GRIP1: variants seen among roughly 807,000 people sequenced by gnomAD.
GRIP1 encodes the protein glutamate receptor-interacting protein 1.
In GRIP1, 45 loss-of-function variants were observed where a neutral mutation model predicts 129.9. The ratio of observed to expected loss-of-function variants is 0.35; its 90% CI spans 0.27 to 0.44. The LOEUF is 0.44. Among genes scored for constraint, GRIP1 ranks in the 20% least tolerant of loss-of-function variants. The pLI is 1.00. For synonymous variants in GRIP1, 530 were observed against 520.8 expected (o/e 1.02, Z -0.24); for missense variants, 1,196 against 1,396.8 (o/e 0.86, Z 2.29).
At chr12:66,411,718 T>A (rs2057409887) in intron 15 of GRIP1, among the ~76,000 whole-genome samples, 1 of 152,180 alleles carries the variant, frequency 6.6e-6, no homozygotes, top group African/African-American at 2.4e-5. Flanking sequence ...CCAATTCAAA[T>A]AAGCTAAGAA....
intron 5 of GRIP1, among the ~76,000 whole-genome samples, chr12:66,523,327 T>A: frequency 6.8e-6 from 1 of 147,564 alleles, no homozygotes; most frequent in East Asian, 1.9e-4. Flanking sequence ...TAACAGCTGA[T>A]CTCTTGGCAG....
intron 14 of GRIP1, among the ~76,000 whole-genome samples, chr12:66,423,226 G>A (rs2057870371): frequency 1.3e-5 from 2 of 152,208 alleles, no homozygotes; most frequent in Non-Finnish European, 2.9e-5. Context: ...GTACTCAGGT[G>A]CCTTAGTTTC....
chr12:66,593,170 G>C (rs1213317900), intron 2 of GRIP1, among the ~76,000 whole-genome samples: 1 of 152,146 alleles, frequency 6.6e-6, no homozygotes, highest in African/African-American at 2.4e-5. Context: ...AAAATGACAA[G>C]TTCCCAAATA....
At chr12:66,418,693 T>C (rs1215924372) in intron 15 of GRIP1, among the ~76,000 whole-genome samples, 1 of 152,146 alleles carries the variant, frequency 6.6e-6, no homozygotes, top group African/African-American at 2.4e-5. Context: ...TAAGAAAAGA[T>C]GCTCAACATC....
At chr12:66,622,994 C>T (rs2139983512) in intron 1 of GRIP1, among the ~76,000 whole-genome samples, 1 of 152,236 alleles carries the variant, frequency 6.6e-6, no homozygotes, top group Non-Finnish European at 1.5e-5. Flanking sequence ...ATTATGAATT[C>T]CATGAGGACA....
In GRIP1 at chr12:66,824,948, C is replaced by CT. The variant is rs558824325; in HGVS notation, c.59-228022dup. ...CCATTTTGGTAAAAGTTTCCAAGAGCTTTTTTTTCCCCAAAGCCCTCTCTT... is the reference window on the plus strand; with the variant it reads ...CCATTTTGGTAAAAGTTTCCAAGAGCTTTTTTTTTCCCCAAAGCCCTCTCTT... On this transcript the variant is annotated intron_variant, in intron 1 of 1. Coordinates refer to the GRIP1 transcript ENST00000643019. 2.4e-3 allele frequency among the ~76,000 whole-genome samples: 371 copies of CT among 152,006 alleles called. 4 individuals are homozygous for CT. Among genetic ancestry groups the CT allele is most frequent in the Non-Finnish European group, 4.2e-3 (288 of 67,948 alleles).
chr12:67,043,206 G>A (rs1157283528), intron 1 of GRIP1, among the ~76,000 whole-genome samples: 8 of 152,072 alleles, frequency 5.3e-5, no homozygotes, highest in Admixed American at 5.2e-4. Flanking sequence ...TCTTCCTTTG[G>A]TTTTCATCCT....
intron 1 of GRIP1, among the ~76,000 whole-genome samples, chr12:66,874,412 T>C (rs979791626): frequency 3.3e-5 from 5 of 152,074 alleles, no homozygotes; most frequent in African/African-American, 1.2e-4. Flanking sequence ...TTTTTTTAAC[T>C]TCTGAAGACT....
chr12:66,862,441 T>C (rs1397224284), intron 1 of GRIP1, among the ~76,000 whole-genome samples: 1 of 152,100 alleles, frequency 6.6e-6, no homozygotes, highest in Non-Finnish European at 1.5e-5. Context: ...AACAGCTTTC[T>C]GGGGCACATT....
intron 14 of GRIP1, 87 bp downstream of exon 14, chr12:66,432,461 A>T (rs866583673): frequency 2.5e-6 from 2 of 801,386 alleles, no homozygotes; most frequent in Middle Eastern, 2.4e-4. Flanking sequence ...AAAGACATAT[A>T]AAACATTTGT....
chr12:66,876,241 TC>T (rs1489969285), intron 1 of GRIP1, among the ~76,000 whole-genome samples: 4 of 152,084 alleles, frequency 2.6e-5, no homozygotes, highest in Admixed American at 2.6e-4. Context: ...GAATTTTATC[TC>T]CAGTATAATT....
At chr12:67,052,284 G>A (rs2043358956) in intron 1 of GRIP1, among the ~76,000 whole-genome samples, 1 of 152,112 alleles carries the variant, frequency 6.6e-6, no homozygotes, top group South Asian at 2.1e-4. Flanking sequence ...CAAACATCCT[G>A]GAACTCACCT....
In GRIP1 at chr12:66,583,942, T is replaced by C. The variant is rs2063507876; in HGVS notation, c.136+12905A>G. On this transcript the variant is annotated intron_variant, in intron 2 of 24. Coordinates refer to ENST00000359742, the MANE Select transcript of GRIP1 (RefSeq NM_001366722.1). Reference sequence around the variant, plus strand: ...CAAAGGACTATAAATCATGCTGCTATAAAGACACATGCACACGTATGTTTA... The same window carrying C: ...CAAAGGACTATAAATCATGCTGCTACAAAGACACATGCACACGTATGTTTA... Among the ~76,000 whole-genome samples, 3 of 138,684 alleles carry C rather than the reference T, an allele frequency of 2.2e-5. 1 individual carries two copies. The highest frequency in any genetic ancestry group is 7.4e-5 in the Admixed American group (1 of 13,442). The allele number at this position is 138,684 out of a possible 152,430, so 91.0% of individuals were successfully genotyped here. A position where few individuals can be genotyped will look rare whatever the true frequency, so the allele number is the denominator to read the frequency against.
intron 1 of GRIP1, among the ~76,000 whole-genome samples, chr12:66,787,526 A>G (rs542774448): frequency 2.5e-4 from 38 of 152,234 alleles, no homozygotes; most frequent in African/African-American, 6.7e-4. Flanking sequence ...TGATGATGGT[A>G]TTAAGAAGTG....
At chr12:67,044,468 A>C (rs1302969207) in intron 1 of GRIP1, among the ~76,000 whole-genome samples, 1 of 152,186 alleles carries the variant, frequency 6.6e-6, no homozygotes, top group Non-Finnish European at 1.5e-5. Flanking sequence ...AAAAGTGCTA[A>C]AAAAATTTTC....
intron 1 of GRIP1, among the ~76,000 whole-genome samples, chr12:66,837,034 C>G (rs565609533): frequency 6.6e-6 from 1 of 152,252 alleles, no homozygotes; most frequent in South Asian, 2.1e-4. Flanking sequence ...TGTCAAACAA[C>G]CTAGTCTGAA....
chr12:67,055,036 T>C (rs964710951), intron 1 of GRIP1, among the ~76,000 whole-genome samples: 3 of 152,130 alleles, frequency 2.0e-5, no homozygotes. Flanking sequence ...GGAAATAGAA[T>C]AGGGCACAAA....
chr12:66,368,359 C>T lies in GRIP1; in HGVS notation c.3012+3335G>A, dbSNP rs1194600926. On this transcript the variant is annotated intron_variant, in intron 23 of 24. Coordinates refer to ENST00000359742, the MANE Select transcript of GRIP1 (RefSeq NM_001366722.1). ...TAACAGGTGCTGGTCTAGATATGAACAGGCGCACCACTTGTTCTCCTGCAT... is the reference window on the plus strand; with the variant it reads ...TAACAGGTGCTGGTCTAGATATGAATAGGCGCACCACTTGTTCTCCTGCAT... Among the ~76,000 whole-genome samples, 4 of 152,274 alleles carry T rather than the reference C, an allele frequency of 2.6e-5. No individual in the cohort carries two copies. The East Asian group carries it at 7.7e-4, about 29-fold the overall frequency.
chr12:66,900,886 G>A (rs1269470009), intron 1 of GRIP1, among the ~76,000 whole-genome samples: 1 of 152,176 alleles, frequency 6.6e-6, no homozygotes, highest in Non-Finnish European at 1.5e-5. Flanking sequence ...TAGGCAACTA[G>A]CAGTTTCTAA....
Sources: gnomAD v4.1 joint callset for allele counts (sites outside exome capture counted in the v4.1 genomes callset) on GRCh38, gnomAD v4.1.1 for gene constraint, MANE v1.5 for transcripts, NCBI Gene and HGNC (gene_info 2026-07-23, HGNC 2026-07-21) for gene names.